TRHDE: variants seen among roughly 807,000 people sequenced by gnomAD.
The protein encoded by TRHDE is thyrotropin releasing hormone degrading enzyme.
Under a neutral mutation model 125.7 loss-of-function variants are expected in TRHDE, and 72 were observed. That is an observed-to-expected ratio of 0.57 (90% CI 0.47 to 0.70). TRHDE has a LOEUF of 0.70. Ranked by LOEUF, TRHDE falls within the 30% of genes least tolerant of loss-of-function variation. The pLI, the probability that TRHDE is intolerant of heterozygous loss-of-function variation, is 0.00. For synonymous variants in TRHDE, 509 were observed against 509.1 expected (o/e 1.00, Z 0.00); for missense variants, 1,110 against 1,327.1 (o/e 0.84, Z 2.54).
intron 6 of TRHDE, among the ~76,000 whole-genome samples, chr12:72,524,542 T>C (rs1868300868): frequency 6.6e-6 from 1 of 152,162 alleles, no homozygotes; most frequent in African/African-American, 2.4e-5. Context: ...TATTCACTTG[T>C]AATACATATT....
intron 12 of TRHDE, among the ~76,000 whole-genome samples, chr12:72,595,924 T>A (rs1291247719): frequency 6.6e-6 from 1 of 152,124 alleles, no homozygotes; most frequent in East Asian, 1.9e-4. Context: ...TATATTGAGC[T>A]GAGATTTCAG....
intron 1 of TRHDE, among the ~76,000 whole-genome samples, chr12:72,274,170 G>C (rs1194496802): frequency 6.6e-6 from 1 of 152,172 alleles, no homozygotes; most frequent in Non-Finnish European, 1.5e-5. Flanking sequence ...GGACCGGGAC[G>C]GGGGTGGAGG....
chr12:72,514,727 G>A (rs1410817756), intron 6 of TRHDE, among the ~76,000 whole-genome samples: 4 of 150,654 alleles, frequency 2.7e-5, no homozygotes, highest in Middle Eastern at 3.4e-3. Context: ...ATGCTGGTGC[G>A]CTGCACCCAC....
chr12:72,200,197 A>C (rs1411728012), intron 2 of TRHDE, among the ~76,000 whole-genome samples: 4 of 152,192 alleles, frequency 2.6e-5, no homozygotes, highest in Non-Finnish European at 5.9e-5. Context: ...GTCAGTCGCA[A>C]TCCATTAAGC....
chr12:72,275,588 G>A (rs1441635763), intron 1 of TRHDE, among the ~76,000 whole-genome samples: 1 of 152,136 alleles, frequency 6.6e-6, no homozygotes, highest in Non-Finnish European at 1.5e-5. Flanking sequence ...GTCAATAGTG[G>A]GAGTTGCATA....
intron 2 of TRHDE, among the ~76,000 whole-genome samples, chr12:72,311,220 C>T (rs988675569): frequency 6.6e-6 from 1 of 151,772 alleles, no homozygotes; most frequent in African/African-American, 2.4e-5. Context: ...TTTTCTTTTC[C>T]CACTGTTTTG....
intron 2 of TRHDE, among the ~76,000 whole-genome samples, chr12:72,115,484 A>G (rs1299004227): frequency 1.3e-5 from 2 of 152,090 alleles, no homozygotes; most frequent in Non-Finnish European, 2.9e-5. Context: ...AATCTTGGCT[A>G]TTGTGAATAG....
At chr12:72,172,346 A>G (rs911771853) in intron 2 of TRHDE, among the ~76,000 whole-genome samples, 3 of 152,240 alleles carry the variant, frequency 2.0e-5, no homozygotes, top group African/African-American at 4.8e-5. Flanking sequence ...TAAGCCTTTC[A>G]CAAGTATTAT....
In TRHDE at chr12:72,669,712, C is replaced by G. The variant is rs1397467361; in HGVS notation, c.*6517C>G. ...CATTTAAAATAGGTTTATTAACTAGCAAATCTCAAATGCAAAACATTTTTG... is the reference window on the plus strand; with the variant it reads ...CATTTAAAATAGGTTTATTAACTAGGAAATCTCAAATGCAAAACATTTTTG... On this transcript the variant is annotated 3_prime_UTR_variant, in exon 19 of 19. Transcript: ENST00000261180. 6.6e-6 allele frequency: 1 copy of G among 151,752 alleles called. No individual in the cohort carries two copies. Among genetic ancestry groups the G allele is most frequent in the East Asian group, 1.9e-4 (1 of 5,168 alleles). 9.4% of individuals were successfully genotyped at this position (151,752 alleles called of 1,614,324 possible). A position where few individuals can be genotyped will look rare whatever the true frequency, so the allele number is the denominator to read the frequency against.
Position 72,619,050 on chromosome 12 carries a change from T to C in TRHDE, c.2469+12T>C, listed in dbSNP as rs1872938661. Reference sequence around the variant, plus strand: ...ACAACATTTTCAATGTAAAAAGATATAATTTTTCTTTCTAATTTTTAGAAG... The same window carrying C: ...ACAACATTTTCAATGTAAAAAGATACAATTTTTCTTTCTAATTTTTAGAAG... On this transcript the variant is annotated intron_variant, in intron 13 of 18. Transcript: ENST00000261180. 6.5e-7 allele frequency: 1 copy of C among 1,528,946 alleles called. No individual in the cohort carries two copies. Among genetic ancestry groups the C allele is most frequent in the Non-Finnish European group, 8.8e-7 (1 of 1,139,494 alleles). The allele number at this position is 1,528,946 out of a possible 1,614,324, so 94.7% of individuals were successfully genotyped here. A position where few individuals can be genotyped will look rare whatever the true frequency, so the allele number is the denominator to read the frequency against.
rs143157923 is a variant in TRHDE at position 72,158,011 on chromosome 12, T to C, written n.279+52259T>C. The stretch of plus-strand genomic sequence containing the variant: ...GAGTATTTGAGGGAAAAGGGCACGA[T>C]CAGTGTGTCAAATAGTGCTGGGGAG... On this transcript the variant is annotated intron_variant and non_coding_transcript_variant, in intron 2 of 4. Coordinates refer to the TRHDE transcript ENST00000548156. 6.4e-4 allele frequency among the ~76,000 whole-genome samples: 98 copies of C among 152,240 alleles called. 1 individual carries two copies. The East Asian group carries it at 0.016, about 25-fold the overall frequency.
chr12:72,187,699 T>G (rs756242280), intron 2 of TRHDE, among the ~76,000 whole-genome samples: 4 of 152,178 alleles, frequency 2.6e-5, no homozygotes, highest in Non-Finnish European at 5.9e-5. Context: ...GGAAACACCC[T>G]CACAGAAACA....
intron 12 of TRHDE, among the ~76,000 whole-genome samples, chr12:72,612,152 G>A (rs1212114098): frequency 1.3e-5 from 2 of 152,060 alleles, no homozygotes; most frequent in African/African-American, 4.8e-5. Context: ...TGTTTCCTCA[G>A]TCAGTATTCT....
At chr12:72,245,261 G>GTGTGTT (rs1878554631) in intron 2 of TRHDE, among the ~76,000 whole-genome samples, 1 of 151,806 alleles carries the variant, frequency 6.6e-6, no homozygotes, top group Non-Finnish European at 1.5e-5. Context: ...GTGTGTGTGT[G>GTGTGTT]TGTGTGTGTA....
At chr12:72,308,911 CT>C (rs1868410995) in intron 2 of TRHDE, among the ~76,000 whole-genome samples, 2 of 152,056 alleles carry the variant, frequency 1.3e-5, no homozygotes, top group African/African-American at 4.8e-5. Context: ...CTGACTTCAC[CT>C]TTTGATAACT....
At chr12:72,453,637 T>G (rs1875690278) in intron 3 of TRHDE, among the ~76,000 whole-genome samples, 1 of 152,154 alleles carries the variant, frequency 6.6e-6, no homozygotes, top group Non-Finnish European at 1.5e-5. Context: ...GGAAAAGGCC[T>G]TGAAAGTATT....
intron 3 of TRHDE, among the ~76,000 whole-genome samples, chr12:72,467,148 A>G (rs1035283486): frequency 1.9e-4 from 29 of 152,156 alleles, no homozygotes; most frequent in Non-Finnish European, 1.0e-4. Context: ...TTTGTTACAT[A>G]TGTATACATG....
At chr12:72,236,809 A>G (rs1187565745) in intron 2 of TRHDE, among the ~76,000 whole-genome samples, 1 of 152,160 alleles carries the variant, frequency 6.6e-6, no homozygotes, top group East Asian at 1.9e-4. Context: ...TTTTTTTTCT[A>G]TTAATAACAT....
intron 3 of TRHDE, among the ~76,000 whole-genome samples, chr12:72,466,832 A>G (rs952936932): frequency 6.6e-6 from 1 of 152,086 alleles, no homozygotes; most frequent in Non-Finnish European, 1.5e-5. Context: ...CCATCGATCA[A>G]TCACTATCTT....
Sources: gnomAD v4.1 joint callset for allele counts (sites outside exome capture counted in the v4.1 genomes callset) on GRCh38, gnomAD v4.1.1 for gene constraint, MANE v1.5 for transcripts, NCBI Gene and HGNC (gene_info 2026-07-23, HGNC 2026-07-21) for gene names.